Variants in SCHIP1 observed in about 807,000 individuals in gnomAD.
SCHIP1 encodes the protein schwannomin interacting protein 1.
Under a neutral mutation model 29.7 loss-of-function variants are expected in SCHIP1, and 8 were observed. The observed-to-expected ratio is 0.27, with a 90% CI of 0.16 to 0.49. SCHIP1 has a LOEUF of 0.49. SCHIP1 is among the 20% of genes least tolerant of loss of function. The pLI is 0.99. For missense variants in SCHIP1, 193 were observed against 294.6 expected (o/e 0.66, Z 2.52); for synonymous variants, 76 against 94.9 (o/e 0.80, Z 1.16).
At chr3:159,381,806 G>C in the SCHIP1 span, among the ~76,000 whole-genome samples, 1 of 152,070 alleles carries the variant, frequency 6.6e-6, no homozygotes, top group Non-Finnish European at 1.5e-5. Context: ...ATGTTGGCCA[G>C]GCTGGTCTCG....
chr3:159,662,914 G>C, the SCHIP1 span, among the ~76,000 whole-genome samples: 3,904 of 152,264 alleles, frequency 0.026, 86 homozygotes, highest in East Asian at 0.071. Context: ...ACAATAGAAT[G>C]TTCACTTTTC....
chr3:159,625,790 TC>T, the SCHIP1 span, among the ~76,000 whole-genome samples: 3 of 152,042 alleles, frequency 2.0e-5, no homozygotes, highest in Non-Finnish European at 4.4e-5. Flanking sequence ...AACTCATCCT[TC>T]ACACTCAAGC....
At chr3:159,643,449 A>G in the SCHIP1 span, among the ~76,000 whole-genome samples, 1 of 152,088 alleles carries the variant, frequency 6.6e-6, no homozygotes, top group Non-Finnish European at 1.5e-5. Context: ...AACAGGAGCC[A>G]TTACTGTCAT....
chr3:159,313,862 C>A, the SCHIP1 span, among the ~76,000 whole-genome samples: 38 of 152,218 alleles, frequency 2.5e-4, no homozygotes, highest in East Asian at 7.3e-3. Context: ...AGAATACTAT[C>A]AGGTATTTTG....
chr3:159,775,886 A>C, the SCHIP1 span, among the ~76,000 whole-genome samples: 1 of 152,228 alleles, frequency 6.6e-6, no homozygotes, highest in Admixed American at 6.5e-5. Context: ...GATCTCCGGC[A>C]GTGTTGTAAA....
chr3:159,353,521 G>T, the SCHIP1 span, among the ~76,000 whole-genome samples: 21 of 152,058 alleles, frequency 1.4e-4, no homozygotes, highest in Admixed American at 5.2e-4. Context: ...ATACCACAAG[G>T]CATGAAAAAA....
the SCHIP1 span, among the ~76,000 whole-genome samples, chr3:159,708,062 T>G: frequency 1.3e-5 from 2 of 152,162 alleles, no homozygotes; most frequent in South Asian, 2.1e-4. Flanking sequence ...ACAAAGCCAG[T>G]GTCTTTGATG....
At chr3:159,596,174 T>C in the SCHIP1 span, among the ~76,000 whole-genome samples, 2 of 152,186 alleles carry the variant, frequency 1.3e-5, no homozygotes, top group African/African-American at 2.4e-5. Context: ...AAGACATTTA[T>C]GCAGCCAACA....
the SCHIP1 span, among the ~76,000 whole-genome samples, chr3:159,380,664 C>T: frequency 6.6e-6 from 1 of 152,126 alleles, no homozygotes; most frequent in South Asian, 2.1e-4. Context: ...AAGTGCCAGG[C>T]TTTATATACA....
chr3:159,846,224 A>G (rs1297501386), intron 1 of SCHIP1, among the ~76,000 whole-genome samples: 2 of 152,202 alleles, frequency 1.3e-5, no homozygotes, highest in Non-Finnish European at 2.9e-5. Context: ...TTACCACCGC[A>G]TGGAATACCG....
chr3:159,311,172 G>C, the SCHIP1 span, among the ~76,000 whole-genome samples: 1 of 152,092 alleles, frequency 6.6e-6, no homozygotes, highest in African/African-American at 2.4e-5. Flanking sequence ...ATAGTCATTA[G>C]AGCTTCCTTT....
chr3:159,546,688 C>T, the SCHIP1 span, among the ~76,000 whole-genome samples: 3 of 151,998 alleles, frequency 2.0e-5, no homozygotes, highest in African/African-American at 7.2e-5. Context: ...TTTTCTGTTC[C>T]TGTGTTAATT....
At chr3:159,337,994 C>T in the SCHIP1 span, among the ~76,000 whole-genome samples, 1 of 152,190 alleles carries the variant, frequency 6.6e-6, no homozygotes, top group Non-Finnish European at 1.5e-5. Context: ...TCAATCTTAA[C>T]TTCATTATGA....
the SCHIP1 span, among the ~76,000 whole-genome samples, chr3:159,359,194 G>T: frequency 1.3e-5 from 2 of 152,036 alleles, no homozygotes; most frequent in African/African-American, 4.8e-5. Context: ...CCAAAGTGCT[G>T]GGATTACAGG....
At chr3:159,827,349 A>G in the SCHIP1 span, among the ~76,000 whole-genome samples, 3 of 152,202 alleles carry the variant, frequency 2.0e-5, no homozygotes, top group Non-Finnish European at 2.9e-5. Flanking sequence ...TTAAAAAAGA[A>G]AAAAGATTTA....
chr3:159,646,513 C>T, the SCHIP1 span, among the ~76,000 whole-genome samples: 2 of 152,150 alleles, frequency 1.3e-5, no homozygotes, highest in Non-Finnish European at 2.9e-5. Context: ...ATCAACTCAT[C>T]ATCGTGGTCT....
the SCHIP1 span, among the ~76,000 whole-genome samples, chr3:159,684,739 G>A: frequency 6.6e-6 from 1 of 151,562 alleles, no homozygotes; most frequent in Non-Finnish European, 1.5e-5. Context: ...AGGAGGCGGA[G>A]GTTGCAGTGA....
At chr3:159,543,552 C>A in the SCHIP1 span, among the ~76,000 whole-genome samples, 10 of 151,052 alleles carry the variant, frequency 6.6e-5, no homozygotes, top group Admixed American at 4.6e-4. Flanking sequence ...TGAACTCATC[C>A]TTTTTTATGG....
the SCHIP1 span, among the ~76,000 whole-genome samples, chr3:159,450,019 G>A: frequency 6.6e-6 from 1 of 152,152 alleles, no homozygotes; most frequent in Non-Finnish European, 1.5e-5. Flanking sequence ...CACTTCCAGT[G>A]AGCTGGAAGA....
Sources: gnomAD v4.1 joint callset for allele counts (sites outside exome capture counted in the v4.1 genomes callset) on GRCh38, gnomAD v4.1.1 for gene constraint, MANE v1.5 for transcripts, NCBI Gene and HGNC (gene_info 2026-07-23, HGNC 2026-07-21) for gene names.